OR2L13: variants seen among roughly 807,000 people sequenced by gnomAD.
OR2L13 encodes the protein olfactory receptor family 2 subfamily L member 13.
In OR2L13, 14 loss-of-function variants were observed where a neutral mutation model predicts 15.3. The ratio of observed to expected loss-of-function variants is 0.91; its 90% confidence interval spans 0.60 to 1.43. The LOEUF (loss-of-function observed/expected upper bound fraction) is 1.43. OR2L13 is among the 40% of genes most tolerant of loss of function. The pLI, the probability that OR2L13 is intolerant of heterozygous loss-of-function variation, is 0.00. For missense variants in OR2L13, 367 were observed against 387.9 expected, an observed-to-expected ratio of 0.95 and a Z score of 0.45; for synonymous variants, 152 against 142.9, an observed-to-expected ratio of 1.06 and a Z score of -0.45.
At chr1:248,007,233 A>C in the OR2L13 span, among the ~76,000 whole-genome samples, 2 of 151,842 alleles carry the variant, frequency 1.3e-5, no homozygotes, top group African/African-American at 4.8e-5. Flanking sequence ...CATTGAAATC[A>C]CTCCTACTGA....
the OR2L13 span, among the ~76,000 whole-genome samples, chr1:247,988,896 G>A: frequency 6.6e-6 from 1 of 151,934 alleles, no homozygotes; most frequent in African/African-American, 2.4e-5. Context: ...ATACTTTATG[G>A]ATCCTCCTAA....
the OR2L13 span, among the ~76,000 whole-genome samples, chr1:248,013,113 A>G: frequency 6.6e-6 from 1 of 151,836 alleles, no homozygotes; most frequent in Non-Finnish European, 1.5e-5. Flanking sequence ...TGTTAAAGAT[A>G]ACTCCAATAT....
At chr1:247,958,786 A>G in the OR2L13 span, among the ~76,000 whole-genome samples, 1 of 150,806 alleles carries the variant, frequency 6.6e-6, no homozygotes, top group East Asian at 2.0e-4. Flanking sequence ...TTTGTTTTCC[A>G]TTTGCTTGGT....
the OR2L13 span, chr1:248,040,673 A>C: frequency 6.6e-6 from 1 of 152,214 alleles, no homozygotes; most frequent in Non-Finnish European, 1.5e-5. Context: ...AGTATATAAG[A>C]CATATAAGAT....
the OR2L13 span, among the ~76,000 whole-genome samples, chr1:247,950,831 T>C: frequency 6.6e-6 from 1 of 152,154 alleles, no homozygotes; most frequent in African/African-American, 2.4e-5. Flanking sequence ...AGAGCCAGTA[T>C]GTGGTAGCAC....
chr1:247,952,970 G>A, the OR2L13 span, among the ~76,000 whole-genome samples: 4 of 152,096 alleles, frequency 2.6e-5, no homozygotes, highest in Admixed American at 1.3e-4. Flanking sequence ...TAGAGGCAAT[G>A]GTAATCCTAT....
chr1:248,073,705 G>T, the OR2L13 span, among the ~76,000 whole-genome samples: 1 of 151,122 alleles, frequency 6.6e-6, no homozygotes, highest in Non-Finnish European at 1.5e-5. Flanking sequence ...TTGCTAGTGG[G>T]TACAAATCAG....
chr1:247,967,045 C>CCACA, the OR2L13 span, among the ~76,000 whole-genome samples: 67 of 147,508 alleles, frequency 4.5e-4, no homozygotes, highest in East Asian at 2.0e-3. Flanking sequence ...ACACCACACA[C>CCACA]CACACACACA....
At chr1:247,948,782 C>A in the OR2L13 span, 1 of 1,224,418 alleles carries the variant, frequency 8.2e-7, no homozygotes, top group Non-Finnish European at 1.2e-6. Context: ...GGAATGCATC[C>A]CCTGCAGATA....
At chr1:247,966,131 AT>A in the OR2L13 span, 2 of 1,614,164 alleles carry the variant, frequency 1.2e-6, no homozygotes, top group Non-Finnish European at 1.7e-6. Context: ...AGCCTGTTCT[AT>A]GCAACCACTC....
chr1:247,980,618 C>G, the OR2L13 span, among the ~76,000 whole-genome samples: 1 of 152,132 alleles, frequency 6.6e-6, no homozygotes, highest in Non-Finnish European at 1.5e-5. Flanking sequence ...CATTTCTAAA[C>G]GTTGGACTAA....
the OR2L13 span, chr1:247,948,938 C>T: frequency 5.0e-6 from 8 of 1,613,788 alleles, no homozygotes; most frequent in South Asian, 8.8e-5. Context: ...TTTTCTTCTT[C>T]ATTCTCATTG....
At chr1:248,041,219 T>C in the OR2L13 span, 3 of 152,176 alleles carry the variant, frequency 2.0e-5, no homozygotes, top group Non-Finnish European at 4.4e-5. Flanking sequence ...TCTACAACTA[T>C]CTGATCTTTG....
chr1:248,000,879 A>G, the OR2L13 span, among the ~76,000 whole-genome samples: 5 of 152,020 alleles, frequency 3.3e-5, no homozygotes, highest in Middle Eastern at 0.014. Flanking sequence ...TTAATTTTTT[A>G]TACTTTCTCA....
the OR2L13 span, among the ~76,000 whole-genome samples, chr1:248,070,103 C>T: frequency 6.6e-6 from 1 of 152,186 alleles, no homozygotes; most frequent in Admixed American, 6.5e-5. Context: ...AGGAATCGAA[C>T]TCAGCTCTGG....
chr1:248,034,763 T>C, the OR2L13 span, among the ~76,000 whole-genome samples: 2 of 152,208 alleles, frequency 1.3e-5, no homozygotes, highest in Non-Finnish European at 2.9e-5. Flanking sequence ...ACAATCTCAT[T>C]TTTAGATTGT....
At chr1:248,029,110 A>C in the OR2L13 span, 1 of 152,348 alleles carries the variant, frequency 6.6e-6, no homozygotes, top group African/African-American at 2.4e-5. Flanking sequence ...ATGCATCAGT[A>C]CATCAGATTG....
At chr1:247,956,749 TG>T in the OR2L13 span, among the ~76,000 whole-genome samples, 1 of 152,018 alleles carries the variant, frequency 6.6e-6, no homozygotes, top group South Asian at 2.1e-4. Context: ...TCTGTTTGTC[TG>T]TTATTCGTGT....
chr1:248,006,462 T>C, the OR2L13 span, among the ~76,000 whole-genome samples: 7 of 151,986 alleles, frequency 4.6e-5, no homozygotes, highest in Non-Finnish European at 7.4e-5. Context: ...CAGCAGAGCA[T>C]GAAACCATGC....
Sources: gnomAD v4.1 joint callset for allele counts (sites outside exome capture counted in the v4.1 genomes callset) on GRCh38, gnomAD v4.1.1 for gene constraint, MANE v1.5 for transcripts, NCBI Gene and HGNC (gene_info 2026-07-23, HGNC 2026-07-21) for gene names.